Variants in KDM6A observed in about 807,000 individuals in gnomAD.
The protein encoded by KDM6A is lysine-specific demethylase 6A.
In KDM6A, 11 loss-of-function variants were observed where a neutral mutation model predicts 117.6. The observed-to-expected ratio is 0.09, with a 90% confidence interval of 0.06 to 0.15. The LOEUF is 0.15. Among genes scored for constraint, KDM6A ranks in the 10% least tolerant of loss-of-function variants. The pLI is 1.00. For missense variants in KDM6A, 799 were observed against 1,077.3 expected, an observed-to-expected ratio of 0.74 and a Z score of 3.62; for synonymous variants, 384 against 396.1, an observed-to-expected ratio of 0.97 and a Z score of 0.36.
intron 4 of KDM6A, among the ~76,000 whole-genome samples, chrX:44,990,597 C>T (rs1387191825): frequency 5.8e-5 from 5 of 86,528 alleles, no homozygotes; most frequent in African/African-American, 2.2e-4. Context: ...TAAAAGCTGT[C>T]ATCTTTTGTC....
intron 2 of KDM6A, among the ~76,000 whole-genome samples, chrX:44,882,593 CAA>C (rs745940484): frequency 7.1e-5 from 8 of 112,204 alleles, no homozygotes; most frequent in Non-Finnish European, 9.4e-5. Context: ...ATATGTGACA[CAA>C]GAGGTAATTT....
chrX:44,996,314 A>G (rs973824030), intron 4 of KDM6A, among the ~76,000 whole-genome samples: 5 of 109,779 alleles, frequency 4.6e-5, no homozygotes, highest in Non-Finnish European at 9.5e-5. Flanking sequence ...GTCTCAAACA[A>G]TCCTCTCACA....
rs1043252337 is a variant in KDM6A, at chrX:44,936,636, C to T, written c.226-24648C>T. ...GAAATGCTTGGGACCAGAAGTGTTT[C>T]GGATTTTGGAGTATTTGCATATGCA... On this transcript the variant is annotated intron_variant, in intron 2 of 29. Transcript: ENST00000611820. Among the ~76,000 whole-genome samples, 7 of 111,842 alleles carry T rather than the reference C, an allele frequency of 6.3e-5. No individual in the cohort carries two copies. In the East Asian group the frequency reaches 1.4e-3, roughly 22 times the overall value.
chrX:44,877,446 A>C (rs1789976819), intron 2 of KDM6A, among the ~76,000 whole-genome samples: 1 of 110,914 alleles, frequency 9.0e-6, no homozygotes, highest in Admixed American at 9.7e-5. Flanking sequence ...TTATTTTTAA[A>C]ATTTCAGTGG....
intron 8 of KDM6A, among the ~76,000 whole-genome samples, chrX:45,040,283 A>G (rs1264871363): frequency 1.4e-5 from 1 of 72,161 alleles, no homozygotes; most frequent in East Asian, 5.2e-4. Flanking sequence ...TGACCCCCCC[A>G]CCTCCCTCCC....
At chrX:44,935,221 T>A (rs2036897172) in intron 2 of KDM6A, among the ~76,000 whole-genome samples, 1 of 112,017 alleles carries the variant, frequency 8.9e-6, no homozygotes, top group African/African-American at 3.2e-5. Context: ...TTAAAATGTG[T>A]TCTTAAAGAA....
intron 16 of KDM6A, 56 bp downstream of exon 16, chrX:45,062,804 ACT>A (rs1251955320): frequency 1.3e-5 from 10 of 741,233 alleles, no homozygotes; most frequent in Non-Finnish European, 1.9e-5. Context: ...ATTTTTATTG[ACT>A]CTAATGTCAT....
intron 5 of KDM6A, among the ~76,000 whole-genome samples, chrX:45,015,418 A>C (rs1309115177): frequency 2.7e-5 from 3 of 111,133 alleles, no homozygotes; most frequent in African/African-American, 9.8e-5. Context: ...CCTGGTGTAA[A>C]GTTTCTGTAG....
intron 27 of KDM6A, among the ~76,000 whole-genome samples, chrX:45,092,727 A>G (rs1359777039): frequency 1.8e-5 from 2 of 111,378 alleles, no homozygotes; most frequent in Admixed American, 9.6e-5. Context: ...AATATTTGGG[A>G]GGAGGGAAGG....
intron 4 of KDM6A, among the ~76,000 whole-genome samples, chrX:44,993,138 A>G (rs905538449): frequency 8.9e-5 from 10 of 111,856 alleles, no homozygotes; most frequent in African/African-American, 3.2e-4. Flanking sequence ...GTTTGTAGAC[A>G]ACAGTGGAAG....
intron 27 of KDM6A, among the ~76,000 whole-genome samples, chrX:45,092,446 C>T (rs1199574886): frequency 1.8e-5 from 2 of 111,838 alleles, no homozygotes; most frequent in Non-Finnish European, 3.8e-5. Context: ...CTTTTCACCT[C>T]ACTATAATTC....
rs2045818703 is a variant in KDM6A at position 45,089,931 on chromosome X, G to A, written c.3892+1G>A. ...GCTTGGAATGTTGGTCCACTTACAGGTATTATAAAGAATATGCTTTAAAAA... is the reference window on the plus strand; with the variant it reads ...GCTTGGAATGTTGGTCCACTTACAGATATTATAAAGAATATGCTTTAAAAA... On this transcript the variant is annotated splice_donor_variant, in intron 26 of 29. Transcript: ENST00000611820. LOFTEE classifies it high-confidence loss of function. 1 of 1,197,615 alleles carries A rather than the reference G, an allele frequency of 8.3e-7. No individual in the cohort carries two copies. Among genetic ancestry groups the A allele is most frequent in the African/African-American group, 1.8e-5 (1 of 56,542 alleles).
intron 21 of KDM6A, among the ~76,000 whole-genome samples, chrX:45,081,798 TA>T (rs2148136602): frequency 9.1e-6 from 1 of 110,113 alleles, no homozygotes; most frequent in Non-Finnish European, 1.9e-5. Flanking sequence ...TTATTTTTTT[TA>T]GACGAGTCTC....
At chrX:44,972,316 C>T (rs1267966845) in intron 3 of KDM6A, among the ~76,000 whole-genome samples, 1 of 111,203 alleles carries the variant, frequency 9.0e-6, no homozygotes, top group Non-Finnish European at 1.9e-5. Context: ...CCTGTGTTCT[C>T]TCCAGTTGCA....
At chrX:45,067,692 G>T (rs1298132754) in intron 17 of KDM6A, among the ~76,000 whole-genome samples, 1 of 92,425 alleles carries the variant, frequency 1.1e-5, no homozygotes, top group Non-Finnish European at 2.0e-5. Context: ...TGGCTCTGTC[G>T]CCAAGCCTGG....
At chrX:44,940,903 C>T (rs759066375) in intron 2 of KDM6A, among the ~76,000 whole-genome samples, 2 of 111,139 alleles carry the variant, frequency 1.8e-5, no homozygotes, top group East Asian at 2.8e-4. Context: ...GGCATGGTGG[C>T]GTATGCCTGT....
intron 18 of KDM6A, among the ~76,000 whole-genome samples, chrX:45,071,791 G>C (rs1251878057): frequency 2.4e-5 from 1 of 42,348 alleles, no homozygotes; most frequent in Non-Finnish European, 5.4e-5. Flanking sequence ...CTTTTTTTAA[G>C]ACAGTTTCGC....
rs1198185662 is a variant in KDM6A at position 45,112,380 on chromosome X, G to T, written c.*969G>T. On this transcript the variant is annotated 3_prime_UTR_variant, in exon 30 of 30. Coordinates refer to ENST00000611820, the MANE Select transcript of KDM6A (RefSeq NM_001291415.2). ...TATATATAATATATATAGAAATCTG[G>T]ATATATATGTATAAATCTTTAGAAC... is the stretch of plus-strand genomic sequence containing the variant. 1.5e-5 allele frequency: 2 copies of T among 129,637 alleles called. No homozygotes were observed. Among genetic ancestry groups the T allele is most frequent in the Admixed American group, 9.4e-5 (1 of 10,590 alleles). The allele number at this position is 129,637 out of a possible 1,213,427, so 10.7% of individuals were successfully genotyped here.
intron 2 of KDM6A, among the ~76,000 whole-genome samples, chrX:44,886,585 G>A (rs1359562761): frequency 9.3e-6 from 1 of 107,284 alleles, no homozygotes; most frequent in Non-Finnish European, 1.9e-5. Flanking sequence ...TGCCTCCCGG[G>A]TTCAAGCGAT....
Sources: gnomAD v4.1 joint callset for allele counts (sites outside exome capture counted in the v4.1 genomes callset) on GRCh38, gnomAD v4.1.1 for gene constraint, MANE v1.5 for transcripts, NCBI Gene and HGNC (gene_info 2026-07-23, HGNC 2026-07-21) for gene names.